The following STXBP4 variants were observed in gnomAD, a reference collection of about 807,000 sequenced individuals.
STXBP4 encodes the protein syntaxin binding protein 4, also known as syntaxin-binding protein 4.
Under a neutral mutation model 76.1 loss-of-function variants are expected in STXBP4, and 55 were observed. The observed-to-expected ratio is 0.72, with a 90% CI of 0.58 to 0.91. The LOEUF is 0.91. STXBP4 is among the 40% of genes least tolerant of loss of function. The probability of loss-of-function intolerance (pLI) is 0.00; values close to 1 mark genes in which losing one functional copy is unlikely to be tolerated. For missense variants in STXBP4, 618 were observed against 636.9 expected (o/e 0.97, Z 0.32); for synonymous variants, 201 against 220.2 (o/e 0.91, Z 0.77).
chr17:55,060,127 T>TAC (rs2078976914), intron 12 of STXBP4, among the ~76,000 whole-genome samples: 1 of 152,082 alleles, frequency 6.6e-6, no homozygotes, highest in African/African-American at 2.4e-5. Context: ...ATTCATTTCA[T>TAC]TAACACCGTA....
In STXBP4 at chr17:55,110,591, A is replaced by G. The variant is rs142696798; in HGVS notation, c.1489+29408A>G. Among the ~76,000 whole-genome samples, 10 of 152,352 alleles carry G rather than the reference A, an allele frequency of 6.6e-5. No individual in the cohort carries two copies. In the East Asian group the frequency reaches 1.9e-3, roughly 29 times the overall value. On this transcript the variant is annotated intron_variant, in intron 16 of 17. Transcript: ENST00000376352. ...TAGTTTGCTGACAGCTGAATTCTGT[A>G]AACTTTTTTTCTGTAAAGAACCAAG...
At chr17:54,980,565 C>T (rs977584305) in intron 1 of STXBP4, among the ~76,000 whole-genome samples, 2 of 152,204 alleles carry the variant, frequency 1.3e-5, no homozygotes, top group Non-Finnish European at 2.9e-5. Context: ...GTTTAAATTT[C>T]CTCTAGAGGT....
intron 3 of STXBP4, among the ~76,000 whole-genome samples, chr17:54,988,819 AC>A (rs1398389508): frequency 6.6e-6 from 1 of 152,034 alleles, no homozygotes; most frequent in Non-Finnish European, 1.5e-5. Flanking sequence ...GGACCCTTGG[AC>A]CCTGTCCTCT....
the STXBP4 span, among the ~76,000 whole-genome samples, chr17:55,195,913 C>A: frequency 1.3e-5 from 2 of 152,138 alleles, no homozygotes; most frequent in Non-Finnish European, 2.9e-5. Context: ...ACAGATGCTG[C>A]TGAACATTCT....
At chr17:55,130,503 C>T (rs1337740020) in intron 16 of STXBP4, among the ~76,000 whole-genome samples, 1 of 152,052 alleles carries the variant, frequency 6.6e-6, no homozygotes, top group East Asian at 1.9e-4. Context: ...TTTTCATCAC[C>T]TCATATACTT....
downstream of STXBP4, among the ~76,000 whole-genome samples, chr17:55,174,816 A>T (rs1357207138): frequency 6.6e-6 from 1 of 152,182 alleles, no homozygotes; most frequent in Non-Finnish European, 1.5e-5. Flanking sequence ...TACCTATCAC[A>T]ATTCACTCCA....
intron 10 of STXBP4, among the ~76,000 whole-genome samples, chr17:55,036,363 CTT>C (rs1037563281): frequency 3.6e-4 from 55 of 150,828 alleles, no homozygotes; most frequent in Admixed American, 9.3e-4. Context: ...GTCAATATAT[CTT>C]ATATATTTTT....
chr17:55,094,418 A>G (rs2079457482), intron 16 of STXBP4, among the ~76,000 whole-genome samples: 1 of 152,174 alleles, frequency 6.6e-6, no homozygotes, highest in Admixed American at 6.6e-5. Flanking sequence ...AGAAAGCAGG[A>G]AGACTAGGTG....
chr17:55,113,073 T>C (rs2079739976), intron 16 of STXBP4, among the ~76,000 whole-genome samples: 1 of 152,150 alleles, frequency 6.6e-6, no homozygotes, highest in South Asian at 2.1e-4. Context: ...TCATATGGCA[T>C]TTCAGTACCT....
chr17:55,065,951 T>C (rs2079046356), intron 12 of STXBP4, among the ~76,000 whole-genome samples: 1 of 152,204 alleles, frequency 6.6e-6, no homozygotes, highest in Non-Finnish European at 1.5e-5. Flanking sequence ...GACCTGTTTT[T>C]CTTCCAAAAG....
intron 8 of STXBP4, among the ~76,000 whole-genome samples, chr17:55,012,765 C>T (rs2144577484): frequency 6.6e-6 from 1 of 152,274 alleles, no homozygotes; most frequent in African/African-American, 2.4e-5. Context: ...ACTGCATACC[C>T]CGCTTTTTGA....
intron 17 of STXBP4, among the ~76,000 whole-genome samples, chr17:55,156,276 T>C (rs1035531729): frequency 6.6e-6 from 1 of 152,198 alleles, no homozygotes; most frequent in African/African-American, 2.4e-5. Flanking sequence ...TATTCTCTTA[T>C]CAGCTGAATT....
chr17:55,008,906 G>A (rs1448431620), intron 8 of STXBP4, among the ~76,000 whole-genome samples: 1 of 152,184 alleles, frequency 6.6e-6, no homozygotes, highest in Non-Finnish European at 1.5e-5. Context: ...CATACTTTGA[G>A]GCAGCATGTC....
At chr17:54,982,488 C>T (rs1333684482) in intron 1 of STXBP4, among the ~76,000 whole-genome samples, 2 of 152,004 alleles carry the variant, frequency 1.3e-5, no homozygotes, top group Non-Finnish European at 2.9e-5. Flanking sequence ...TATGATTCAC[C>T]AAACTAGAAT....
chr17:55,088,686 C>T (rs1329315811), intron 16 of STXBP4, among the ~76,000 whole-genome samples: 1 of 152,164 alleles, frequency 6.6e-6, no homozygotes, highest in Non-Finnish European at 1.5e-5. Context: ...CGTGAGCCAC[C>T]GTGCCAGGCC....
chr17:55,120,020 T>C (rs1453839681), intron 16 of STXBP4, among the ~76,000 whole-genome samples: 2 of 152,176 alleles, frequency 1.3e-5, no homozygotes, highest in East Asian at 1.9e-4. Flanking sequence ...CCCACCTTTA[T>C]TGTTAACATA....
intron 16 of STXBP4, among the ~76,000 whole-genome samples, chr17:55,099,467 G>A (rs1014769377): frequency 6.6e-6 from 1 of 152,180 alleles, no homozygotes; most frequent in African/African-American, 2.4e-5. Context: ...TAGGCTTCAA[G>A]TATGTATAGC....
At chr17:55,182,973 A>G in the STXBP4 span, among the ~76,000 whole-genome samples, 2 of 152,210 alleles carry the variant, frequency 1.3e-5, no homozygotes, top group African/African-American at 2.4e-5. Context: ...AAGCTTAAAG[A>G]TGAAAGAAAG....
the STXBP4 span, among the ~76,000 whole-genome samples, chr17:55,206,186 T>G: frequency 4.6e-5 from 7 of 152,102 alleles, no homozygotes. Context: ...TGTGAATTAT[T>G]ACATATATAT....
Sources: allele counts gnomAD v4.1 joint callset (sites outside exome capture counted in the v4.1 genomes callset), GRCh38; gene constraint gnomAD v4.1.1; transcripts MANE v1.5; gene names NCBI Gene and HGNC (gene_info 2026-07-23, HGNC 2026-07-21).